Variants in CPVL observed in about 807,000 individuals in gnomAD.
CPVL encodes carboxypeptidase vitellogenic like.
A neutral mutation model predicts 63.7 loss-of-function variants in CPVL; 51 were observed. That is an observed-to-expected ratio of 0.80 (90% confidence interval 0.64 to 1.01). CPVL has a LOEUF of 1.01. Among genes scored for constraint, CPVL ranks in the 50% least tolerant of loss-of-function variants. CPVL has a pLI of 0.00. For missense variants in CPVL, 530 were observed against 573.1 expected (o/e 0.92, Z 0.77); for synonymous variants, 195 against 206.0 (o/e 0.95, Z 0.46).
rs890029479 is a variant in CPVL, at chr7:29,153,432, C to A, written c.-11+27858G>T. Among the ~76,000 whole-genome samples, 4 of 152,316 alleles carry A rather than the reference C, an allele frequency of 2.6e-5. No individual in the cohort carries two copies. In the East Asian group the frequency reaches 7.7e-4, roughly 29 times the overall value. ...CTCTCTACCTTTTCTGGTTTTGCCA[C>A]CCCTGAGACATCAGGACCAACCCCT... On this transcript the variant is annotated intron_variant, in intron 5 of 16. Transcript: ENST00000409850.
intron 12 of CPVL, among the ~76,000 whole-genome samples, chr7:29,026,504 G>A (rs1190589523): frequency 6.6e-6 from 1 of 151,086 alleles, no homozygotes; most frequent in Non-Finnish European, 1.5e-5. Context: ...AGAACTAAAT[G>A]GAATAGAAAC....
chr7:29,150,723 C>T (rs941999307), upstream of CPVL, among the ~76,000 whole-genome samples: 1 of 152,180 alleles, frequency 6.6e-6, no homozygotes, highest in Non-Finnish European at 1.5e-5. Flanking sequence ...GTGTCTAGGT[C>T]TCTCCCTGCA....
At chr7:29,109,694 T>C (rs1788065332) in intron 3 of CPVL, among the ~76,000 whole-genome samples, 1 of 152,156 alleles carries the variant, frequency 6.6e-6, no homozygotes, top group Non-Finnish European at 1.5e-5. Context: ...CTCCCGAAGC[T>C]TCATCTATCA....
intron 1 of CPVL, among the ~76,000 whole-genome samples, chr7:29,137,164 T>C (rs1791309855): frequency 6.6e-6 from 1 of 152,202 alleles, no homozygotes; most frequent in South Asian, 2.1e-4. Context: ...CGCCATCTCA[T>C]GCCAAGATTA....
At chr7:29,017,555 C>T (rs1054864244) in intron 12 of CPVL, among the ~76,000 whole-genome samples, 1 of 152,194 alleles carries the variant, frequency 6.6e-6, no homozygotes, top group Non-Finnish European at 1.5e-5. Flanking sequence ...ATCACTTGCA[C>T]CTGGGAGGTG....
intron 1 of CPVL, among the ~76,000 whole-genome samples, chr7:29,139,241 T>C (rs1020703018): frequency 3.7e-4 from 57 of 152,334 alleles, no homozygotes; most frequent in African/African-American, 1.2e-3. Context: ...GGTATATCCT[T>C]GGGCAAGCCA....
intron 5 of CPVL, among the ~76,000 whole-genome samples, chr7:29,174,695 T>A (rs193300642): frequency 6.6e-6 from 1 of 152,180 alleles, no homozygotes; most frequent in Non-Finnish European, 1.5e-5. Flanking sequence ...ACCCCATCTA[T>A]GCTAAAGATA....
At chr7:29,002,153 C>A (rs1299026549) in intron 12 of CPVL, among the ~76,000 whole-genome samples, 3 of 152,140 alleles carry the variant, frequency 2.0e-5, no homozygotes, top group Non-Finnish European at 4.4e-5. Flanking sequence ...GCTCATTAGT[C>A]TTACGGTGCT....
intron 7 of CPVL, among the ~76,000 whole-genome samples, chr7:29,073,782 G>A (rs1783977518): frequency 6.6e-6 from 1 of 152,160 alleles, no homozygotes; most frequent in African/African-American, 2.4e-5. Flanking sequence ...TGAATACAGG[G>A]ACATTTGTCT....
intron 11 of CPVL, among the ~76,000 whole-genome samples, chr7:29,037,248 G>A (rs977590149): frequency 6.6e-5 from 10 of 152,008 alleles, no homozygotes; most frequent in African/African-American, 2.4e-4. Context: ...TCTGCACAAT[G>A]GGTATAAGAA....
intron 1 of CPVL, among the ~76,000 whole-genome samples, chr7:29,187,546 A>G (rs1410676079): frequency 6.6e-6 from 1 of 152,040 alleles, no homozygotes; most frequent in African/African-American, 2.4e-5. Flanking sequence ...CAACATGGAG[A>G]AACCCCGTCT....
chr7:29,074,654 C>T (rs147555134), intron 7 of CPVL, among the ~76,000 whole-genome samples: 1,735 of 151,774 alleles, frequency 0.011, 26 homozygotes, highest in African/African-American at 0.04. Context: ...TTCCCCCATG[C>T]TATTCTCATG....
intron 5 of CPVL, among the ~76,000 whole-genome samples, chr7:29,171,744 G>A (rs1796636007): frequency 6.6e-6 from 1 of 152,114 alleles, no homozygotes. Context: ...TCCAGAGAAT[G>A]CATTTTCATT....
At chr7:29,136,793 G>T (rs1249177148) in intron 1 of CPVL, among the ~76,000 whole-genome samples, 1 of 152,170 alleles carries the variant, frequency 6.6e-6, no homozygotes, top group Non-Finnish European at 1.5e-5. Flanking sequence ...CCCTAAACTT[G>T]TCCTTACTTC....
intron 11 of CPVL, among the ~76,000 whole-genome samples, chr7:29,041,123 T>C (rs986896355): frequency 7.2e-6 from 1 of 138,566 alleles, no homozygotes; most frequent in Non-Finnish European, 1.5e-5. Flanking sequence ...GATCAATAAC[T>C]GGATTTTTTT....
intron 11 of CPVL, among the ~76,000 whole-genome samples, chr7:29,057,282 C>T (rs1164573953): frequency 3.3e-5 from 5 of 152,086 alleles, no homozygotes; most frequent in Non-Finnish European, 7.4e-5. Context: ...GTTTACTTAC[C>T]ATCTGTATAT....
At chr7:29,141,287 G>A (rs772078649) in intron 1 of CPVL, among the ~76,000 whole-genome samples, 4 of 152,196 alleles carry the variant, frequency 2.6e-5, no homozygotes, top group Non-Finnish European at 5.9e-5. Flanking sequence ...CACGGTGGCT[G>A]ATGCCTGTAA....
At chr7:29,024,298 T>A (rs184050338) in intron 12 of CPVL, among the ~76,000 whole-genome samples, 88 of 152,246 alleles carry the variant, frequency 5.8e-4, no homozygotes, top group African/African-American at 2.0e-3. Context: ...AAAGTACATA[T>A]ATATAAAGTT....
At chr7:29,116,514 G>GT (rs1248290627) in intron 2 of CPVL, among the ~76,000 whole-genome samples, 2 of 152,130 alleles carry the variant, frequency 1.3e-5, no homozygotes, top group Non-Finnish European at 2.9e-5. Context: ...CTTCCTCCTT[G>GT]TTTTTTACTG....
Sources: gnomAD v4.1 joint callset for allele counts (sites outside exome capture counted in the v4.1 genomes callset) on GRCh38, gnomAD v4.1.1 for gene constraint, MANE v1.5 for transcripts, NCBI Gene and HGNC (gene_info 2026-07-23, HGNC 2026-07-21) for gene names.